Variants in CA10 observed in about 807,000 individuals in gnomAD.
CA10 encodes the protein carbonic anhydrase-related protein 10.
CA10 carries 14 observed loss-of-function variants against 44.2 expected under a neutral mutation model. That is an observed-to-expected ratio of 0.32 (90% confidence interval 0.21 to 0.50). CA10 has a LOEUF of 0.50. CA10 is among the 20% of genes least tolerant of loss of function. The pLI, the probability that CA10 is intolerant of heterozygous loss-of-function variation, is 0.99. For synonymous variants in CA10, 159 were observed against 141.6 expected (o/e 1.12, Z -0.87); for missense variants, 350 against 409.7 (o/e 0.85, Z 1.26).
chr17:51,782,677 A>T (rs1906109989), intron 3 of CA10, among the ~76,000 whole-genome samples: 1 of 152,184 alleles, frequency 6.6e-6, no homozygotes, highest in Non-Finnish European at 1.5e-5. Context: ...TCTCTCCTCC[A>T]GTGTGTATGA....
chr17:52,038,296 T>A (rs769881903), intron 2 of CA10, among the ~76,000 whole-genome samples: 3 of 152,166 alleles, frequency 2.0e-5, no homozygotes, highest in Non-Finnish European at 4.4e-5. Flanking sequence ...GGCACACTTG[T>A]CAAAAGTAAT....
At chr17:51,907,328 G>A (rs188026943) in intron 3 of CA10, among the ~76,000 whole-genome samples, 1 of 152,184 alleles carries the variant, frequency 6.6e-6, no homozygotes, top group African/African-American at 2.4e-5. Context: ...TTGGCCATTT[G>A]AGGAAGAGGA....
At chr17:51,964,406 A>G (rs1275693853) in intron 2 of CA10, among the ~76,000 whole-genome samples, 2 of 152,084 alleles carry the variant, frequency 1.3e-5, no homozygotes, top group East Asian at 3.9e-4. Flanking sequence ...GACCAGTTGG[A>G]CCTAATGGAC....
intron 4 of CA10, among the ~76,000 whole-genome samples, chr17:51,727,227 G>C (rs890013700): frequency 2.6e-5 from 4 of 152,136 alleles, no homozygotes; most frequent in Admixed American, 2.0e-4. Flanking sequence ...CGGGGGTGAG[G>C]AGGAAGGGAG....
intron 1 of CA10, chr17:52,134,994 C>G (rs761275094): frequency 1.9e-5 from 10 of 518,652 alleles, no homozygotes; most frequent in South Asian, 1.4e-4. Context: ...AACAGGTTAC[C>G]TGCATCTCCA....
chr17:51,753,977 G>A (rs1288386255), intron 3 of CA10, among the ~76,000 whole-genome samples: 2 of 152,126 alleles, frequency 1.3e-5, no homozygotes, highest in Non-Finnish European at 2.9e-5. Context: ...CCAAGTAGCT[G>A]GGATTACAGG....
chr17:51,963,074 C>A (rs979378532), intron 2 of CA10, among the ~76,000 whole-genome samples: 8 of 152,046 alleles, frequency 5.3e-5, no homozygotes, highest in African/African-American at 1.9e-4. Context: ...AAAAAGAAAT[C>A]AATCAGAGCT....
intron 1 of CA10, among the ~76,000 whole-genome samples, chr17:52,079,858 C>T (rs139093510): frequency 1.3e-5 from 2 of 152,306 alleles, no homozygotes; most frequent in Non-Finnish European, 2.9e-5. Flanking sequence ...TCTTTCTTTG[C>T]TTTTCCTGAA....
At chr17:51,799,912 G>A (rs1906859768) in intron 3 of CA10, among the ~76,000 whole-genome samples, 1 of 152,182 alleles carries the variant, frequency 6.6e-6, no homozygotes, top group Admixed American at 6.5e-5. Context: ...AGACTGCTTG[G>A]AGAAATGTAT....
At chr17:52,078,218 A>G (rs1045071712) in intron 1 of CA10, among the ~76,000 whole-genome samples, 1 of 152,238 alleles carries the variant, frequency 6.6e-6, no homozygotes, top group Non-Finnish European at 1.5e-5. Flanking sequence ...CCTGGTGGGA[A>G]ACAAGACTTA....
intron 3 of CA10, among the ~76,000 whole-genome samples, chr17:51,905,132 G>A (rs1981487872): frequency 6.6e-6 from 1 of 152,114 alleles, no homozygotes; most frequent in Non-Finnish European, 1.5e-5. Flanking sequence ...ATAAGCAGTT[G>A]AATATTTGCC....
intron 6 of CA10, among the ~76,000 whole-genome samples, chr17:51,638,248 C>T (rs778430274): frequency 5.3e-5 from 8 of 152,210 alleles, no homozygotes; most frequent in Non-Finnish European, 1.0e-4. Flanking sequence ...TTCAAAGCTG[C>T]CCTTCCTGGC....
At chr17:51,922,624 T>C (rs905775710) in intron 3 of CA10, among the ~76,000 whole-genome samples, 2 of 152,174 alleles carry the variant, frequency 1.3e-5, no homozygotes, top group Non-Finnish European at 2.9e-5. Context: ...CACTTCGATA[T>C]CTTTAGCTCC....
chr17:51,747,718 C>A lies in CA10; in HGVS notation c.380G>T (p.Arg127Leu). The A allele has an allele frequency of 6.2e-7, 1 of 1,614,164 alleles. No homozygotes were observed. The highest frequency in any genetic ancestry group is 8.5e-7 in the Non-Finnish European group (1 of 1,180,018). Residue 127 changes from arginine to leucine, a missense_variant, in exon 4 of 9, where the codon CGG becomes CTG. By Grantham distance (102) the Arg-to-Leu change is moderately radical (BLOSUM62 -2). Transcript: ENST00000451037. ...ISGGPMTYSHRLEEIRLHFGS... is the reference protein window; with the variant it reads ...ISGGPMTYSHLLEEIRLHFGS... Reference sequence around the variant, plus strand: ...AAAGTGTAGTCGGATCTCCTCCAGCCGGTGGCTGTATGTCATGGGCCCTCC... The same window carrying A: ...AAAGTGTAGTCGGATCTCCTCCAGCAGGTGGCTGTATGTCATGGGCCCTCC...
intron 3 of CA10, among the ~76,000 whole-genome samples, chr17:51,766,002 A>G (rs1321563160): frequency 1.3e-5 from 2 of 152,098 alleles, no homozygotes; most frequent in African/African-American, 4.8e-5. Context: ...AACAGATGCA[A>G]TTCAAAAACA....
At chr17:51,923,148 A>G (rs1282378619) in intron 3 of CA10, among the ~76,000 whole-genome samples, 1 of 152,184 alleles carries the variant, frequency 6.6e-6, no homozygotes, top group African/African-American at 2.4e-5. Flanking sequence ...ACAGCTATTG[A>G]GTTTTAAATG....
intron 2 of CA10, among the ~76,000 whole-genome samples, chr17:52,071,211 A>G (rs972615964): frequency 1.3e-5 from 2 of 152,214 alleles, no homozygotes; most frequent in African/African-American, 4.8e-5. Flanking sequence ...GGGCCATAGA[A>G]TAGATGTGCC....
chr17:51,962,349 G>A (rs1983923291), intron 2 of CA10, among the ~76,000 whole-genome samples: 1 of 152,200 alleles, frequency 6.6e-6, no homozygotes, highest in Non-Finnish European at 1.5e-5. Flanking sequence ...TTCTTCCTTG[G>A]TGCTGATGCA....
intron 4 of CA10, among the ~76,000 whole-genome samples, chr17:51,715,757 C>T (rs1395238732): frequency 6.6e-6 from 1 of 152,190 alleles, no homozygotes; most frequent in East Asian, 1.9e-4. Context: ...CTGGCTCAAT[C>T]TCAGCTCACT....
Sources: allele counts gnomAD v4.1 joint callset (sites outside exome capture counted in the v4.1 genomes callset), GRCh38; gene constraint gnomAD v4.1.1; transcripts MANE v1.5; gene names NCBI Gene and HGNC (gene_info 2026-07-23, HGNC 2026-07-21).